NMNAT2: variants seen among roughly 807,000 people sequenced by gnomAD.
The protein encoded by NMNAT2 is nicotinamide nucleotide adenylyltransferase 2.
NMNAT2 carries 11 observed loss-of-function variants against 41.6 expected under a neutral mutation model. The ratio of observed to expected loss-of-function variants is 0.26; its 90% CI spans 0.17 to 0.44. NMNAT2 has a LOEUF of 0.44. Ranked by LOEUF, NMNAT2 falls within the 20% of genes least tolerant of loss-of-function variation. NMNAT2 has a pLI of 1.00. For missense variants in NMNAT2, 288 were observed against 407.7 expected (o/e 0.71, Z 2.53); for synonymous variants, 148 against 151.2 (o/e 0.98, Z 0.16).
chr1:183,263,241 ATTGGATCATG>A (rs1240287876), intron 8 of NMNAT2, among the ~76,000 whole-genome samples: 1 of 152,190 alleles, frequency 6.6e-6, no homozygotes, highest in Non-Finnish European at 1.5e-5. Context: ...TAGAGCCCCC[ATTGGATCATG>A]TAATCTGGAA....
At chr1:183,290,248 A>C in intron 3 of NMNAT2, 42 bp from the exon 4 acceptor site, 174 of 1,475,242 alleles carry the variant, frequency 1.2e-4, no homozygotes, top group Middle Eastern at 1.7e-4. Flanking sequence ...TTCTGTTCTC[A>C]TATTCTTTCC....
At chr1:183,380,871 C>T (rs1663790042) in intron 1 of NMNAT2, among the ~76,000 whole-genome samples, 1 of 152,152 alleles carries the variant, frequency 6.6e-6, no homozygotes, top group Non-Finnish European at 1.5e-5. Context: ...CAAACAATGT[C>T]TTCCCACATT....
chr1:183,314,723 A>G (rs572426085), intron 1 of NMNAT2, among the ~76,000 whole-genome samples: 1 of 152,226 alleles, frequency 6.6e-6, no homozygotes, highest in Non-Finnish European at 1.5e-5. Flanking sequence ...CACCTTAAAG[A>G]TAATAATTCA....
intron 1 of NMNAT2, among the ~76,000 whole-genome samples, chr1:183,391,104 C>G (rs1234747738): frequency 2.0e-5 from 3 of 152,134 alleles, no homozygotes; most frequent in Non-Finnish European, 2.9e-5. Flanking sequence ...ATGCCAAAGG[C>G]CTTGGAGAAA....
At chr1:183,306,900 T>G (rs1463830281) in intron 1 of NMNAT2, among the ~76,000 whole-genome samples, 1 of 152,134 alleles carries the variant, frequency 6.6e-6, no homozygotes, top group African/African-American at 2.4e-5. Context: ...GTAATAATAT[T>G]AATCTGGCTC....
chr1:183,367,412 C>T (rs573117152), intron 1 of NMNAT2, among the ~76,000 whole-genome samples: 58 of 152,226 alleles, frequency 3.8e-4, no homozygotes, highest in African/African-American at 1.3e-3. Context: ...GAGCCGAGAT[C>T]GTGCCATTGT....
chr1:183,384,415 G>A (rs188153418), intron 1 of NMNAT2, among the ~76,000 whole-genome samples: 159 of 152,204 alleles, frequency 1.0e-3, no homozygotes, highest in African/African-American at 3.6e-3. Flanking sequence ...GGCCATGCTC[G>A]TCTCAAACTC....
intron 1 of NMNAT2, among the ~76,000 whole-genome samples, chr1:183,374,303 T>A (rs531978283): frequency 6.1e-5 from 9 of 148,342 alleles, no homozygotes; most frequent in Admixed American, 1.4e-4. Flanking sequence ...TGCACCCCCC[T>A]GGCTCTGGGC....
chr1:183,414,018 G>A (rs1236077427), intron 1 of NMNAT2, among the ~76,000 whole-genome samples: 1 of 152,198 alleles, frequency 6.6e-6, no homozygotes, highest in Non-Finnish European at 1.5e-5. Context: ...CGACCTGAAT[G>A]AATGACTCCT....
At chr1:183,407,030 G>A (rs1648975868) in intron 1 of NMNAT2, among the ~76,000 whole-genome samples, 1 of 152,084 alleles carries the variant, frequency 6.6e-6, no homozygotes, top group Non-Finnish European at 1.5e-5. Flanking sequence ...TGTTGGTCAG[G>A]TTGATCTCGA....
chr1:183,356,884 C>T (rs1183181197), intron 1 of NMNAT2, among the ~76,000 whole-genome samples: 1 of 152,226 alleles, frequency 6.6e-6, no homozygotes, highest in Non-Finnish European at 1.5e-5. Flanking sequence ...TTAGAATTCA[C>T]AGCCAATATT....
At chr1:183,308,920 C>T (rs1243381236) in intron 1 of NMNAT2, among the ~76,000 whole-genome samples, 2 of 152,110 alleles carry the variant, frequency 1.3e-5, no homozygotes, top group Non-Finnish European at 2.9e-5. Context: ...ATGGCTGCAG[C>T]GCTGGGAAAA....
intron 1 of NMNAT2, among the ~76,000 whole-genome samples, chr1:183,338,630 G>T (rs908617396): frequency 3.9e-5 from 6 of 152,146 alleles, no homozygotes; most frequent in Non-Finnish European, 7.3e-5. Context: ...GCCCAAGTTG[G>T]TAAATGGAAA....
At chr1:183,328,197 G>A (rs1662509345) in intron 1 of NMNAT2, among the ~76,000 whole-genome samples, 2 of 151,960 alleles carry the variant, frequency 1.3e-5, no homozygotes, top group South Asian at 4.2e-4. Context: ...AAAGGGAGAG[G>A]GATCAGATGC....
chr1:183,356,384 A>G (rs1383250647), intron 1 of NMNAT2, among the ~76,000 whole-genome samples: 2 of 152,208 alleles, frequency 1.3e-5, no homozygotes, highest in Non-Finnish European at 1.5e-5. Flanking sequence ...GCCTTTAAGC[A>G]GCTCATTGGA....
chr1:183,256,851 A>G (rs557824440), intron 10 of NMNAT2, among the ~76,000 whole-genome samples: 1 of 152,046 alleles, frequency 6.6e-6, no homozygotes, highest in Non-Finnish European at 1.5e-5. Context: ...TTCTGGGTTC[A>G]AGTGATTCTT....
intron 1 of NMNAT2, among the ~76,000 whole-genome samples, chr1:183,367,327 A>T (rs1663434639): frequency 6.6e-6 from 1 of 152,136 alleles, no homozygotes; most frequent in Non-Finnish European, 1.5e-5. Context: ...GCATGGTGGC[A>T]TGTGCCTGTA....
intron 1 of NMNAT2, among the ~76,000 whole-genome samples, chr1:183,352,028 C>T (rs1339389840): frequency 1.3e-5 from 2 of 152,102 alleles, no homozygotes; most frequent in African/African-American, 2.4e-5. Flanking sequence ...AGGGAACAGA[C>T]ATATCAATAC....
chr1:183,317,269 T>C (rs1156952940), intron 1 of NMNAT2, among the ~76,000 whole-genome samples: 1 of 152,226 alleles, frequency 6.6e-6, no homozygotes. Context: ...ACCCTGAGCC[T>C]GACTGATGGA....
Sources: gnomAD v4.1 joint callset for allele counts (sites outside exome capture counted in the v4.1 genomes callset) on GRCh38, gnomAD v4.1.1 for gene constraint, MANE v1.5 for transcripts, NCBI Gene and HGNC (gene_info 2026-07-23, HGNC 2026-07-21) for gene names.